The following PCDHGA12 variants were observed in gnomAD, a reference collection of about 807,000 sequenced individuals.
PCDHGA12 encodes protocadherin gamma subfamily A, 12.
In PCDHGA12, 43 loss-of-function variants were observed where a neutral mutation model predicts 61.1. The observed-to-expected ratio is 0.70, with a 90% CI of 0.55 to 0.91. The LOEUF (loss-of-function observed/expected upper bound fraction) is 0.91, where lower values mean the gene tolerates loss of function less well. Among genes scored for constraint, PCDHGA12 ranks in the 40% least tolerant of loss-of-function variants. PCDHGA12 has a pLI of 0.00. For synonymous variants in PCDHGA12, 520 were observed against 542.9 expected (o/e 0.96, Z 0.59); for missense variants, 1,236 against 1,227.7 (o/e 1.01, Z -0.10).
chr5:141,489,191 T>C lies in PCDHGA12; in HGVS notation c.2425-5616T>C. On this transcript the variant is annotated intron_variant, in intron 1 of 3. Coordinates refer to ENST00000252085, the MANE Select transcript of PCDHGA12 (RefSeq NM_003735.3). The surrounding 1 kb of genome is among the most constrained non-coding windows in gnomAD (Gnocchi z 4.5). ...CTGCATTCCAAGCCCTGGGTCTACC[T>C]TGGAGACAGGACAGCACAGACTTAC... The C allele has an allele frequency of 7.3e-7, 1 of 1,364,400 alleles. No homozygotes were observed. Among genetic ancestry groups the C allele is most frequent in the Middle Eastern group, 1.9e-4 (1 of 5,334 alleles). The allele number at this position is 1,364,400 out of a possible 1,614,324, so 84.5% of individuals were successfully genotyped here. A position where few individuals can be genotyped will look rare whatever the true frequency, so the allele number is the denominator to read the frequency against.
At chr5:141,502,666 T>C (rs962424461) in intron 2 of PCDHGA12, among the ~76,000 whole-genome samples, 10 of 152,234 alleles carry the variant, frequency 6.6e-5, no homozygotes, top group African/African-American at 2.2e-4. Context: ...CTTCATGCAA[T>C]TTTAGTATTC....
At chr5:141,460,502 G>A (rs1300155108) in intron 1 of PCDHGA12, among the ~76,000 whole-genome samples, 1 of 152,094 alleles carries the variant, frequency 6.6e-6, no homozygotes, top group Non-Finnish European at 1.5e-5. Flanking sequence ...AAAATATGCT[G>A]AGAAGGCTAT....
At chr5:141,453,319 G>T (rs2098762311) in intron 1 of PCDHGA12, among the ~76,000 whole-genome samples, 1 of 151,492 alleles carries the variant, frequency 6.6e-6, no homozygotes, top group Admixed American at 6.6e-5. Flanking sequence ...TTATTTTAGA[G>T]ATGGGGTCTC....
At chr5:141,434,533 C>T (rs6862159) in intron 1 of PCDHGA12, among the ~76,000 whole-genome samples, 18,539 of 152,264 alleles carry the variant, frequency 0.12, 1,259 homozygotes, top group Non-Finnish European at 0.16. Flanking sequence ...AAACCACAAA[C>T]AATAGCATGA....
rs2099412065 is a variant in PCDHGA12, at chr5:141,477,502, C to T, written c.2425-17305C>T. On this transcript the variant is annotated intron_variant, in intron 1 of 3. Coordinates refer to ENST00000252085, the MANE Select transcript of PCDHGA12 (RefSeq NM_003735.3). This position sits in a 1 kb window ranked among gnomAD's most constrained non-coding sequence, Gnocchi z 4.9. ...CTCCACAATCTTCTCAATCTTCCTACGACGTTTACATTGAAGAAAACAACC... is the reference window on the plus strand; with the variant it reads ...CTCCACAATCTTCTCAATCTTCCTATGACGTTTACATTGAAGAAAACAACC... 2 of 1,614,144 alleles carry T rather than the reference C, an allele frequency of 1.2e-6. No homozygotes were observed. Among genetic ancestry groups the T allele is most frequent in the Non-Finnish European group, 1.7e-6 (2 of 1,180,018 alleles).
At position 141,489,384 on chromosome 5, in the gene PCDHGA12, T is replaced by G; in HGVS notation, c.2425-5423T>G. The G allele has an allele frequency of 6.2e-7, 1 of 1,613,986 alleles. No individual in the cohort carries two copies. The highest frequency in any genetic ancestry group is 1.3e-5 in the African/African-American group (1 of 75,042). On this transcript the variant is annotated intron_variant, in intron 1 of 3. Transcript: ENST00000252085. This position sits in a 1 kb window ranked among gnomAD's most constrained non-coding sequence, Gnocchi z 4.5. ...AGCCGGGGACGCTGGTGGGGAATGT[T>G]GCTCAGGATCTGGGCTTAAAGATGA...
intron 2 of PCDHGA12, among the ~76,000 whole-genome samples, chr5:141,502,894 G>C (rs1342496006): frequency 6.8e-6 from 1 of 147,968 alleles, no homozygotes; most frequent in Non-Finnish European, 1.5e-5. Context: ...AGGGAGTCTA[G>C]CTCTGTTGCC....
intron 1 of PCDHGA12, among the ~76,000 whole-genome samples, chr5:141,456,206 T>C (rs966457070): frequency 6.6e-6 from 1 of 152,098 alleles, no homozygotes; most frequent in African/African-American, 2.4e-5. Context: ...ACCACATTCC[T>C]CCCTGTGGCG....
In PCDHGA12 at chr5:141,476,034, C is replaced by G. The variant is rs934044974; in HGVS notation, c.2425-18773C>G. On this transcript the variant is annotated intron_variant, in intron 1 of 3. Transcript: ENST00000252085. This position sits in a 1 kb window ranked among gnomAD's most constrained non-coding sequence, Gnocchi z 7.6. ...CCATGTCGGACTCGGCGCCCAGCGC[C>G]CAAGCGCTAACCCGCTGAAAGTTTC... The G allele has an allele frequency of 2.0e-6, 3 of 1,464,488 alleles. No homozygotes were observed. Among genetic ancestry groups the G allele is most frequent in the Non-Finnish European group, 2.7e-6 (3 of 1,100,656 alleles). 90.7% of individuals were successfully genotyped at this position (1,464,488 alleles called of 1,614,324 possible). A position where few individuals can be genotyped will look rare whatever the true frequency, so the allele number is the denominator to read the frequency against.
chr5:141,494,937 G>C (rs759078748), intron 2 of PCDHGA12, 72 bp downstream of exon 2: 1 of 1,612,276 alleles, frequency 6.2e-7, no homozygotes, highest in African/African-American at 1.3e-5. Flanking sequence ...GAGGAGATGG[G>C]GGAGGGCCCA....
At chr5:141,472,010 C>T (rs1305786275) in intron 1 of PCDHGA12, among the ~76,000 whole-genome samples, 1 of 151,978 alleles carries the variant, frequency 6.6e-6, no homozygotes, top group Non-Finnish European at 1.5e-5. Flanking sequence ...CGTATAGGGG[C>T]ACTATATTGT....
intron 1 of PCDHGA12, among the ~76,000 whole-genome samples, chr5:141,462,361 T>C (rs1354253099): frequency 6.6e-6 from 1 of 152,282 alleles, no homozygotes; most frequent in Non-Finnish European, 1.5e-5. Flanking sequence ...ATACATTGTA[T>C]AGTTTCTATT....
At chr5:141,474,803 T>C (rs1383027398) in intron 1 of PCDHGA12, among the ~76,000 whole-genome samples, 1 of 152,250 alleles carries the variant, frequency 6.6e-6, no homozygotes, top group Non-Finnish European at 1.5e-5. Context: ...ATGGAGTGGT[T>C]TGCATCATTA....
At chr5:141,478,044 C>G in intron 1 of PCDHGA12, 1 of 1,614,184 alleles carries the variant, frequency 6.2e-7, no homozygotes. Flanking sequence ...CCCAGGCAGA[C>G]TCTCACGGTC....
chr5:141,490,597 C>T lies in PCDHGA12; in HGVS notation c.2425-4210C>T, dbSNP rs781077720. Reference sequence around the variant, plus strand: ...TTCAGATGTCAATGACAATGCACCCCGCTTCAACCAGCAGCTTTACACTGC... The same window carrying T: ...TTCAGATGTCAATGACAATGCACCCTGCTTCAACCAGCAGCTTTACACTGC... On this transcript the variant is annotated intron_variant, in intron 1 of 3. Coordinates refer to ENST00000252085, the MANE Select transcript of PCDHGA12 (RefSeq NM_003735.3). The surrounding 1 kb of genome is among the most constrained non-coding windows in gnomAD (Gnocchi z 5.4). The T allele has an allele frequency of 1.2e-5, 20 of 1,614,182 alleles. No homozygotes were observed. The highest frequency in any genetic ancestry group is 3.3e-5 in the Admixed American group (2 of 60,026).
intron 1 of PCDHGA12, among the ~76,000 whole-genome samples, chr5:141,481,692 G>A (rs1231630072): frequency 3.3e-5 from 5 of 152,020 alleles, no homozygotes; most frequent in East Asian, 1.9e-4. Context: ...GGTGGCTCAC[G>A]CCTGTAATCC....
chr5:141,469,553 G>A (rs989713451), intron 1 of PCDHGA12, among the ~76,000 whole-genome samples: 2 of 152,086 alleles, frequency 1.3e-5, no homozygotes, highest in African/African-American at 2.4e-5. Flanking sequence ...CCAGCCTGGC[G>A]ACAGAGTGAG....
chr5:141,489,381 T>A lies in PCDHGA12; in HGVS notation c.2425-5426T>A. 1 of 1,613,894 alleles carries A rather than the reference T, an allele frequency of 6.2e-7. No homozygotes were observed. The highest frequency in any genetic ancestry group is 8.5e-7 in the Non-Finnish European group (1 of 1,179,802). ...CTGAGCCGGGGACGCTGGTGGGGAATGTTGCTCAGGATCTGGGCTTAAAGA... is the reference window on the plus strand; with the variant it reads ...CTGAGCCGGGGACGCTGGTGGGGAAAGTTGCTCAGGATCTGGGCTTAAAGA... On this transcript the variant is annotated intron_variant, in intron 1 of 3. Transcript: ENST00000252085. The surrounding 1 kb of genome is among the most constrained non-coding windows in gnomAD (Gnocchi z 4.5).
intron 1 of PCDHGA12, among the ~76,000 whole-genome samples, chr5:141,436,923 T>C (rs2097854286): frequency 6.6e-6 from 1 of 152,224 alleles, no homozygotes; most frequent in African/African-American, 2.4e-5. Flanking sequence ...GAGTGTTACT[T>C]TTTCTTTGTC....
Sources: gnomAD v4.1 joint callset for allele counts (sites outside exome capture counted in the v4.1 genomes callset) on GRCh38, gnomAD v4.1.1 for gene constraint, Gnocchi (gnomAD v3.1) non-coding constraint, MANE v1.5 for transcripts, NCBI Gene and HGNC (gene_info 2026-07-23, HGNC 2026-07-21) for gene names.